The following MCF2L2 variants were observed in gnomAD, a reference collection of about 807,000 sequenced individuals.
The protein encoded by MCF2L2 is probable guanine nucleotide exchange factor MCF2L2.
In MCF2L2, 102 loss-of-function variants were observed where a neutral mutation model predicts 150.2. The ratio of observed to expected loss-of-function variants is 0.68; its 90% CI spans 0.58 to 0.80. The LOEUF (loss-of-function observed/expected upper bound fraction) is 0.80, where lower values mean the gene tolerates loss of function less well. Ranked by LOEUF, MCF2L2 falls within the 30% of genes least tolerant of loss-of-function variation. The probability of loss-of-function intolerance (pLI) is 0.00; values close to 1 mark genes in which losing one functional copy is unlikely to be tolerated. For synonymous variants in MCF2L2, 465 were observed against 491.3 expected (o/e 0.95, Z 0.71); for missense variants, 1,256 against 1,372.8 (o/e 0.91, Z 1.34).
At chr3:183,330,974 G>A (rs1007925911) in intron 5 of MCF2L2, among the ~76,000 whole-genome samples, 1 of 151,780 alleles carries the variant, frequency 6.6e-6, no homozygotes, top group African/African-American at 2.4e-5. Flanking sequence ...AGACTGCCCC[G>A]CCACCCCCAC....
At chr3:183,381,009 T>C (rs1275553233) in intron 2 of MCF2L2, among the ~76,000 whole-genome samples, 1 of 152,198 alleles carries the variant, frequency 6.6e-6, no homozygotes. Context: ...GTTATTGCTT[T>C]TGGCCTAGGG....
At chr3:183,389,654 C>G (rs1317507370) in intron 2 of MCF2L2, 42 bp downstream of exon 2, 1 of 1,527,442 alleles carries the variant, frequency 6.5e-7, no homozygotes, top group African/African-American at 1.4e-5. Flanking sequence ...CATCAAGACC[C>G]CCCCATCAAA....
intron 10 of MCF2L2, among the ~76,000 whole-genome samples, chr3:183,301,218 G>A (rs1728831713): frequency 6.6e-6 from 1 of 151,958 alleles, no homozygotes; most frequent in African/African-American, 2.4e-5. Context: ...TTGAGAACCT[G>A]CTATTTGCCA....
chr3:183,189,004 C>A (rs1721790041), intron 27 of MCF2L2, among the ~76,000 whole-genome samples: 2 of 152,126 alleles, frequency 1.3e-5, no homozygotes, highest in Non-Finnish European at 2.9e-5. Context: ...TGATCACACA[C>A]TGTACTTTCT....
At chr3:183,292,556 TACACACACACACAC>T (rs58788215) in intron 13 of MCF2L2, among the ~76,000 whole-genome samples, 2 of 145,474 alleles carry the variant, frequency 1.4e-5, no homozygotes, top group African/African-American at 2.5e-5. Context: ...AGGGGGTATG[TACACACACACACAC>T]ACACACACAC....
At chr3:183,208,240 C>T (rs1403452) in intron 22 of MCF2L2, among the ~76,000 whole-genome samples, 136,127 of 152,236 alleles carry the variant, frequency 0.89, 61,191 homozygotes, top group East Asian at 1. Context: ...GGCTGCATTG[C>T]GGACCCATGA....
rs900822453 is a variant in MCF2L2, at chr3:183,219,978, T to C, written c.2302-54A>G. The C allele has an allele frequency of 3.0e-6, 4 of 1,312,074 alleles. No individual in the cohort carries two copies. In the African/African-American group the frequency reaches 5.8e-5, roughly 19 times the overall value. The allele number at this position is 1,312,074 out of a possible 1,614,324, so 81.3% of individuals were successfully genotyped here. A position where few individuals can be genotyped will look rare whatever the true frequency, so the allele number is the denominator to read the frequency against. Reference sequence around the variant, plus strand: ...ATTAAAATGTACATTGCCATCAAAATGTAGATTGTCAACAAAATCTACTGT... The same window carrying C: ...ATTAAAATGTACATTGCCATCAAAACGTAGATTGTCAACAAAATCTACTGT... On this transcript the variant is annotated intron_variant, in intron 20 of 29. Transcript: ENST00000328913.
intron 15 of MCF2L2, among the ~76,000 whole-genome samples, chr3:183,275,115 A>G (rs936840826): frequency 5.3e-5 from 8 of 152,112 alleles, no homozygotes; most frequent in African/African-American, 1.9e-4. Flanking sequence ...CTCTTCCCTT[A>G]AGCATCTCTT....
rs570705510 is a variant in MCF2L2, at chr3:183,355,077, ATTAT to A, written c.276-13451_276-13448del. ...AATAATATTATTTATTATTCATTAT[ATTAT>A]TTATTATTTATTTTATTTTATTTTC... On this transcript the variant is annotated intron_variant, in intron 3 of 29. Transcript: ENST00000328913. 1.9e-4 allele frequency among the ~76,000 whole-genome samples: 29 copies of A among 150,170 alleles called. No individual in the cohort carries two copies. The South Asian group carries it at 5.2e-3, about 27-fold the overall frequency.
intron 5 of MCF2L2, among the ~76,000 whole-genome samples, chr3:183,324,270 A>G (rs1446665565): frequency 6.6e-6 from 1 of 152,194 alleles, no homozygotes; most frequent in South Asian, 2.1e-4. Flanking sequence ...TCACACATCC[A>G]GAGGAAGCTG....
At chr3:183,361,022 A>AGAAAAG (rs1712137667) in intron 3 of MCF2L2, among the ~76,000 whole-genome samples, 1 of 131,108 alleles carries the variant, frequency 7.6e-6, no homozygotes, top group Admixed American at 7.5e-5. Context: ...AGAAAAGAAA[A>AGAAAAG]GAGAAAAGAA....
At chr3:183,382,189 G>T (rs1033715245) in intron 2 of MCF2L2, among the ~76,000 whole-genome samples, 1 of 152,084 alleles carries the variant, frequency 6.6e-6, no homozygotes, top group African/African-American at 2.4e-5. Context: ...CTACCGAGTA[G>T]CTGGGATTAC....
At chr3:183,220,197 A>G (rs1426458836) in intron 20 of MCF2L2, among the ~76,000 whole-genome samples, 1 of 152,190 alleles carries the variant, frequency 6.6e-6, no homozygotes, top group Non-Finnish European at 1.5e-5. Flanking sequence ...ATGTTTTTCT[A>G]AAATATGGGC....
At chr3:183,338,778 C>T in intron 5 of MCF2L2, 22 bp downstream of exon 5, 1 of 1,585,568 alleles carries the variant, frequency 6.3e-7, no homozygotes, top group African/African-American at 1.3e-5. Context: ...CCAAATGAGA[C>T]AAGATGAAAG....
At chr3:183,247,775 T>G (rs1724322302) in intron 15 of MCF2L2, among the ~76,000 whole-genome samples, 1 of 152,186 alleles carries the variant, frequency 6.6e-6, no homozygotes, top group Non-Finnish European at 1.5e-5. Flanking sequence ...AATCCAGAGA[T>G]TATTTAAAAC....
chr3:183,402,212 G>A (rs891195832), intron 1 of MCF2L2, among the ~76,000 whole-genome samples: 4 of 151,920 alleles, frequency 2.6e-5, no homozygotes, highest in African/African-American at 9.7e-5. Context: ...GGGAGGCCGA[G>A]GCAGGCAGAT....
chr3:183,292,097 G>A (rs892242665), intron 13 of MCF2L2, among the ~76,000 whole-genome samples: 1 of 152,170 alleles, frequency 6.6e-6, no homozygotes, highest in African/African-American at 2.4e-5. Flanking sequence ...ATGTGTGTGT[G>A]TGTGTTTGCA....
chr3:183,315,237 C>T (rs1000618390), intron 7 of MCF2L2, among the ~76,000 whole-genome samples: 41 of 151,862 alleles, frequency 2.7e-4, no homozygotes, highest in African/African-American at 9.7e-4. Flanking sequence ...GCCACTGTGC[C>T]CAGCCTGTAT....
intron 3 of MCF2L2, among the ~76,000 whole-genome samples, chr3:183,348,846 T>C (rs1365557276): frequency 6.6e-6 from 1 of 152,144 alleles, no homozygotes; most frequent in Non-Finnish European, 1.5e-5. Flanking sequence ...AAGCGTACAA[T>C]AACATTGCCC....
Sources: gnomAD v4.1 joint callset for allele counts (sites outside exome capture counted in the v4.1 genomes callset) on GRCh38, gnomAD v4.1.1 for gene constraint, MANE v1.5 for transcripts, NCBI Gene and HGNC (gene_info 2026-07-23, HGNC 2026-07-21) for gene names.